Variants in SERPING1 observed in about 807,000 individuals in gnomAD.
SERPING1 encodes plasma protease C1 inhibitor.
Under a neutral mutation model 34.1 loss-of-function variants are expected in SERPING1, and 5 were observed. The observed-to-expected ratio is 0.15, with a 90% CI of 0.08 to 0.31. The LOEUF is 0.31. SERPING1 is among the 10% of genes least tolerant of loss of function. The pLI is 1.00. For synonymous variants in SERPING1, 225 were observed against 242.4 expected (o/e 0.93, Z 0.67); for missense variants, 505 against 609.5 (o/e 0.83, Z 1.81).
intron 6 of SERPING1, chr11:57,611,475 A>G: frequency 1.7e-6 from 1 of 571,770 alleles, no homozygotes; most frequent in Non-Finnish European, 3.1e-6. Flanking sequence ...TCAGTGGTGG[A>G]GTCAGGGTAT....
intron 6 of SERPING1, among the ~76,000 whole-genome samples, chr11:57,610,557 G>A (rs1443847931): frequency 1.3e-5 from 2 of 152,060 alleles, no homozygotes; most frequent in Admixed American, 1.3e-4. Context: ...TTTCTTTATT[G>A]CCCAGTTGAA....
chr11:57,612,598 T>C (rs937053934), intron 7 of SERPING1, among the ~76,000 whole-genome samples: 1 of 151,948 alleles, frequency 6.6e-6, no homozygotes, highest in African/African-American at 2.4e-5. Flanking sequence ...TTTGTATTTT[T>C]AGTAGAGACG....
At chr11:57,597,856 TG>T in intron 1 of SERPING1, 134 bp downstream of exon 1, 1 of 188,380 alleles carries the variant, frequency 5.3e-6, no homozygotes, top group Non-Finnish European at 1.1e-5. Flanking sequence ...TGCTTCCACC[TG>T]GGACTTCTGC....
intron 6 of SERPING1, 175 bp from the exon 7 acceptor site, chr11:57,611,542 C>A: frequency 1.4e-6 from 1 of 690,240 alleles, no homozygotes; most frequent in Non-Finnish European, 2.6e-6. Flanking sequence ...TGGATCAGCA[C>A]TGTTCACCCA....
chr11:57,601,367 C>T (rs1045307200), intron 3 of SERPING1, among the ~76,000 whole-genome samples: 9 of 150,916 alleles, frequency 6.0e-5, no homozygotes, highest in Non-Finnish European at 1.2e-4. Context: ...TGCCACTGCA[C>T]TCCAGCCTGG....
At chr11:57,606,697 T>G in intron 6 of SERPING1, 150 bp downstream of exon 6, 1 of 885,138 alleles carries the variant, frequency 1.1e-6, no homozygotes. Context: ...CTTTTCTCCT[T>G]CTCCTTTCTC....
Position 57,614,398 on chromosome 11 carries a change from G to C in SERPING1, c.1320G>C (p.Ala440=), listed in dbSNP as rs756351413. The C allele has an allele frequency of 6.2e-7, 1 of 1,614,050 alleles. No individual in the cohort carries two copies. The highest frequency in any genetic ancestry group is 8.5e-7 in the Non-Finnish European group (1 of 1,180,012). The change falls in exon 8 of 8, where the codon GCG becomes GCC. Residue 440 remains alanine (A), a synonymous_variant. Coordinates refer to ENST00000278407, the MANE Select transcript of SERPING1 (RefSeq NM_000062.3). The part of the protein sequence containing the change: ...LTEDPDLQVS[A]MQHQTVLELT... ...AGGACCCAGATCTTCAGGTTTCTGC[G>C]ATGCAGCACCAGACAGTGCTGGAAC...
At chr11:57,614,288 T>C (rs1945511599) in intron 7 of SERPING1, 40 bp from the exon 8 acceptor site, 1 of 1,609,922 alleles carries the variant, frequency 6.2e-7, no homozygotes, top group Non-Finnish European at 8.5e-7. Flanking sequence ...GAGGGTATCA[T>C]GCTGGCTTCT....
chr11:57,605,123 T>G (rs1945393917), intron 4 of SERPING1, among the ~76,000 whole-genome samples: 1 of 152,138 alleles, frequency 6.6e-6, no homozygotes. Flanking sequence ...GTTGCATTTA[T>G]TTATTACTTA....
chr11:57,608,489 C>G (rs539289150), intron 6 of SERPING1, among the ~76,000 whole-genome samples: 1 of 152,064 alleles, frequency 6.6e-6, no homozygotes, highest in South Asian at 2.1e-4. Flanking sequence ...TTCTATCTCC[C>G]CAAGCCAATA....
chr11:57,609,000 T>G (rs1379119399), intron 6 of SERPING1, among the ~76,000 whole-genome samples: 1 of 152,140 alleles, frequency 6.6e-6, no homozygotes, highest in Non-Finnish European at 1.5e-5. Context: ...GTGATTTGGC[T>G]GGGCGCAGTG....
At chr11:57,600,470 A>G in intron 3 of SERPING1, 93 bp downstream of exon 3, 2 of 1,440,492 alleles carry the variant, frequency 1.4e-6, no homozygotes, top group Non-Finnish European at 1.9e-6. Flanking sequence ...GCCTCTGGGA[A>G]GAAGCTGTAA....
At chr11:57,601,855 CAAAAAAA>C (rs5792050) in intron 3 of SERPING1, among the ~76,000 whole-genome samples, 173 bp from the exon 4 acceptor site, 4 of 57,786 alleles carry the variant, frequency 6.9e-5, no homozygotes, top group African/African-American at 2.7e-4. Context: ...GACTCTGTCT[CAAAAAAA>C]AAAAAAAAAA....
chr11:57,613,903 G>A (rs1052243610), intron 7 of SERPING1, among the ~76,000 whole-genome samples: 2 of 152,058 alleles, frequency 1.3e-5, no homozygotes, highest in African/African-American at 4.8e-5. Flanking sequence ...CAGGAACTGG[G>A]ATCGGAGACC....
rs1348101989 is a variant in SERPING1 at position 57,600,392 on chromosome 11, G to T, written c.550+15G>T. On this transcript the variant is annotated intron_variant, in intron 3 of 7. Transcript: ENST00000278407. ...GGTCCTGCTCGGTAAGACCCTGCTT[G>T]AATTCTCTCCAGGTCATTTGTTGGA... The T allele has an allele frequency of 1.9e-6, 3 of 1,611,912 alleles. No homozygotes were observed. The highest frequency in any genetic ancestry group is 2.2e-5 in the East Asian group (1 of 44,898).
At chr11:57,600,500 G>A (rs1945335801) in intron 3 of SERPING1, 123 bp downstream of exon 3, 3 of 1,053,204 alleles carry the variant, frequency 2.8e-6, no homozygotes, top group Admixed American at 3.8e-5. Flanking sequence ...ATTATATATT[G>A]GGGGTGGGGT....
chr11:57,600,172 C>A lies in SERPING1; in HGVS notation c.345C>A (p.Thr115=). ...PTTQLPTDSP[T]QPTTGSFCPG... ...CCCAGCTCCCAACAGATTCTCCTAC[C>A]CAGCCCACTACTGGGTCCTTCTGCC... The change falls in exon 3 of 8, where the codon ACC becomes ACA. Residue 115 remains threonine, a synonymous_variant. Transcript: ENST00000278407. The A allele has an allele frequency of 6.2e-7, 1 of 1,613,904 alleles. No individual in the cohort carries two copies.
intron 3 of SERPING1, among the ~76,000 whole-genome samples, chr11:57,601,438 T>C (rs184412730): frequency 1.3e-5 from 2 of 149,756 alleles, no homozygotes; most frequent in Non-Finnish European, 3.0e-5. Context: ...TCTGACTTAG[T>C]GGGAGGTCAA....
intron 7 of SERPING1, among the ~76,000 whole-genome samples, chr11:57,613,140 T>C (rs1269916702): frequency 2.6e-5 from 4 of 152,228 alleles, no homozygotes; most frequent in African/African-American, 9.6e-5. Context: ...TTTCCTTGTA[T>C]ATGTCATCTG....
Sources: allele counts gnomAD v4.1 joint callset (sites outside exome capture counted in the v4.1 genomes callset), GRCh38; gene constraint gnomAD v4.1.1; transcripts MANE v1.5; gene names NCBI Gene and HGNC (gene_info 2026-07-23, HGNC 2026-07-21).